The following TBC1D26 variants were observed in gnomAD, a reference collection of about 807,000 sequenced individuals.
TBC1D26 encodes TBC1 domain family member 26, also known as TBC1 domain family, member 26.
TBC1D26 carries 19 observed loss-of-function variants against 42.5 expected under a neutral mutation model. That is an observed-to-expected ratio of 0.45 (90% CI 0.31 to 0.66). TBC1D26 has a LOEUF of 0.66. Ranked by LOEUF, TBC1D26 falls within the 30% of genes least tolerant of loss-of-function variation. The probability of loss-of-function intolerance (pLI) is 0.06; values close to 1 mark genes in which losing one functional copy is unlikely to be tolerated. For synonymous variants in TBC1D26, 97 were observed against 123.5 expected (o/e 0.79, Z 1.42); for missense variants, 228 against 332.6 (o/e 0.69, Z 2.45).
chr17:15,738,466 C>G (rs1213569417), intron 7 of TBC1D26, 79 bp downstream of exon 7: 13 of 1,542,564 alleles, frequency 8.4e-6, no homozygotes, highest in South Asian at 7.0e-5. Context: ...CTGGAGGGAA[C>G]GTTGAGCCTG....
intron 4 of TBC1D26, among the ~76,000 whole-genome samples, chr17:15,736,739 T>G (rs1444325853): frequency 6.6e-6 from 1 of 152,282 alleles, no homozygotes; most frequent in Non-Finnish European, 1.5e-5. Context: ...GGGCCCTTGG[T>G]CATCCTTGCT....
In TBC1D26 at chr17:15,735,073, G is replaced by A. The variant is rs1967573555; in HGVS notation, c.-2+3G>A. The A allele has an allele frequency of 1.9e-6, 1 of 521,106 alleles. No homozygotes were observed. Among genetic ancestry groups the A allele is most frequent in the Non-Finnish European group, 3.4e-6 (1 of 292,772 alleles). 32.3% of individuals were successfully genotyped at this position (521,106 alleles called of 1,614,324 possible). ...CGCCGTTTGTCCTGCCAGGGCAGGTGTGTGTCTGCCTTGGGGTGTTCAGGG... is the reference window on the plus strand; with the variant it reads ...CGCCGTTTGTCCTGCCAGGGCAGGTATGTGTCTGCCTTGGGGTGTTCAGGG... On this transcript the variant is annotated splice_donor_region_variant and intron_variant, in intron 2 of 14. Transcript: ENST00000437605.
Position 15,743,364 on chromosome 17 carries a change from T to C in TBC1D26, c.908-3T>C. On this transcript the variant is annotated splice_polypyrimidine_tract_variant and splice_region_variant and intron_variant, in intron 13 of 14. Coordinates refer to ENST00000437605, the MANE Select transcript of TBC1D26 (RefSeq NM_001388465.1). ...CCTGGCCTGATGCCCGCCCTCTCCC[T>C]AGAGCACCTCATGAAGCTTTCCTGG... The C allele has an allele frequency of 1.0e-6, 1 of 986,300 alleles. No individual in the cohort carries two copies. The highest frequency in any genetic ancestry group is 1.2e-6 in the Non-Finnish European group (1 of 830,214). 61.1% of individuals were successfully genotyped at this position (986,300 alleles called of 1,614,324 possible).
At chr17:15,744,064 C>A (rs1332691816) in intron 14 of TBC1D26, among the ~76,000 whole-genome samples, 179 bp from the exon 15 acceptor site, 1 of 151,944 alleles carries the variant, frequency 6.6e-6, no homozygotes, top group African/African-American at 2.4e-5. Flanking sequence ...TGAGGCCAAG[C>A]AGGAGACTCC....
intron 1 of TBC1D26, among the ~76,000 whole-genome samples, chr17:15,733,554 A>G (rs1412739007): frequency 2.0e-5 from 3 of 152,210 alleles, no homozygotes; most frequent in African/African-American, 7.2e-5. Context: ...TGCTGGCCAC[A>G]GGCCTCAAGG....
intron 11 of TBC1D26, 34 bp downstream of exon 11, chr17:15,742,070 C>T (rs372066766): frequency 3.6e-5 from 57 of 1,591,806 alleles, no homozygotes; most frequent in African/African-American, 9.4e-5. Flanking sequence ...CCTAACCAGA[C>T]GCCCTGGCCC....
chr17:15,739,003 C>T (rs946528544), intron 8 of TBC1D26, among the ~76,000 whole-genome samples, 173 bp downstream of exon 8: 1 of 145,318 alleles, frequency 6.9e-6, no homozygotes, highest in Non-Finnish European at 1.5e-5. Context: ...CGGCTCTAAG[C>T]TCTGGGCCGG....
chr17:15,738,712 G>C lies in TBC1D26; in HGVS notation c.388-9G>C, dbSNP rs763398616. On this transcript the variant is annotated splice_polypyrimidine_tract_variant and intron_variant, in intron 7 of 14. Coordinates refer to ENST00000437605, the MANE Select transcript of TBC1D26 (RefSeq NM_001388465.1). ...GAGGCTGCTTCCTCCTCTTGGCCCT[G>C]CCCTACAGGTCATGAAGGAGAAGGG... 4.3e-6 allele frequency: 7 copies of C among 1,613,844 alleles called. No homozygotes were observed. The African/African-American group carries it at 6.7e-5, about 15-fold the overall frequency.
At chr17:15,740,859 C>T (rs1967757713) in intron 9 of TBC1D26, 1 of 619,478 alleles carries the variant, frequency 1.6e-6, no homozygotes, top group African/African-American at 1.9e-5. Context: ...ATGAACAATC[C>T]CTGACTGTGC....
At chr17:15,734,446 C>G (rs2529988) in intron 1 of TBC1D26, among the ~76,000 whole-genome samples, 93,997 of 150,976 alleles carry the variant, frequency 0.62, 29,460 homozygotes, top group African/African-American at 0.69. Flanking sequence ...TCTAGGAGTG[C>G]GGTGGGGAGC....
chr17:15,735,164 G>A (rs1484204325), intron 2 of TBC1D26, 94 bp downstream of exon 2: 5 of 677,356 alleles, frequency 7.4e-6, no homozygotes, highest in Middle Eastern at 3.0e-4. Flanking sequence ...ACCACTGGTT[G>A]GAGGCAAGGA....
At chr17:15,736,726 G>T (rs1294891798) in intron 4 of TBC1D26, among the ~76,000 whole-genome samples, 2 of 152,290 alleles carry the variant, frequency 1.3e-5, no homozygotes, top group African/African-American at 4.8e-5. Flanking sequence ...CCCACTGCCT[G>T]CAGGGCCCTT....
At chr17:15,732,707 C>T (rs531421284) in intron 1 of TBC1D26, among the ~76,000 whole-genome samples, 1 of 152,266 alleles carries the variant, frequency 6.6e-6, no homozygotes, top group South Asian at 2.1e-4. Flanking sequence ...TTTTCTGGCC[C>T]CTGATGGGGC....
intron 9 of TBC1D26, 70 bp from the exon 10 acceptor site, chr17:15,741,052 A>G (rs2151502731): frequency 6.3e-7 from 1 of 1,591,324 alleles, no homozygotes; most frequent in Admixed American, 1.7e-5. Flanking sequence ...ACCTCTGGTG[A>G]CATAAGTCCT....
intron 4 of TBC1D26, chr17:15,736,441 G>T (rs1967616256): frequency 6.6e-6 from 1 of 151,802 alleles, no homozygotes; most frequent in African/African-American, 2.4e-5. Context: ...CAGATGGGGT[G>T]GGCAGGGAAC....
At position 15,742,649 on chromosome 17, in the gene TBC1D26, A is replaced by G. The variant is rs1411543229; in HGVS notation, c.807+170A>G. Among the ~76,000 whole-genome samples, 4 of 152,190 alleles carry G rather than the reference A, an allele frequency of 2.6e-5. No homozygotes were observed. The East Asian group carries it at 5.8e-4, about 22-fold the overall frequency. ...AGGGCTCAGGCCCAGCCTCATGGGCAGACTGGGGCAGGACCCGACTTGCGA... is the reference window on the plus strand; with the variant it reads ...AGGGCTCAGGCCCAGCCTCATGGGCGGACTGGGGCAGGACCCGACTTGCGA... On this transcript the variant is annotated intron_variant, in intron 12 of 14. Transcript: ENST00000437605.
At chr17:15,743,959 TAAAAG>T (rs1226331483) in intron 14 of TBC1D26, among the ~76,000 whole-genome samples, 1 of 151,564 alleles carries the variant, frequency 6.6e-6, no homozygotes, top group Non-Finnish European at 1.5e-5. Flanking sequence ...CTCTGTCAAA[TAAAAG>T]AAAAGTCAGA....
chr17:15,741,390 G>T lies in TBC1D26; in HGVS notation c.646+169G>T, dbSNP rs944306764. On this transcript the variant is annotated intron_variant, in intron 10 of 14. Transcript: ENST00000437605. Reference sequence around the variant, plus strand: ...ATGTCCCTGCTGAGGTCCTACAGCAGCCTGGGTCTGGACAGGAACCCCCTC... The same window carrying T: ...ATGTCCCTGCTGAGGTCCTACAGCATCCTGGGTCTGGACAGGAACCCCCTC... 3 of 1,252,996 alleles carry T rather than the reference G, an allele frequency of 2.4e-6. No individual in the cohort carries two copies. In the African/African-American group the frequency reaches 4.4e-5, roughly 19 times the overall value. 77.6% of individuals were successfully genotyped at this position (1,252,996 alleles called of 1,614,324 possible). A position where few individuals can be genotyped will look rare whatever the true frequency, so the allele number is the denominator to read the frequency against.
At chr17:15,733,675 G>A (rs2529991) in intron 1 of TBC1D26, 7 of 152,264 alleles carry the variant, frequency 4.6e-5, no homozygotes, top group East Asian at 3.8e-4. Context: ...CCACATAAAC[G>A]TACATGCTCA....
Sources: allele counts gnomAD v4.1 joint callset (sites outside exome capture counted in the v4.1 genomes callset), GRCh38; gene constraint gnomAD v4.1.1; transcripts MANE v1.5; gene names NCBI Gene and HGNC (gene_info 2026-07-23, HGNC 2026-07-21).